Variants in RPN1 observed in about 807,000 individuals in gnomAD.
RPN1 encodes ribophorin I, also known as dolichyl-diphosphooligosaccharide--protein glycosyltransferase subunit 1.
Under a neutral mutation model 55.5 loss-of-function variants are expected in RPN1, and 12 were observed. That is an observed-to-expected ratio of 0.22 (90% confidence interval 0.14 to 0.35). The LOEUF (loss-of-function observed/expected upper bound fraction) is 0.35. Ranked by LOEUF, RPN1 falls within the 10% of genes least tolerant of loss-of-function variation. RPN1 has a pLI of 1.00. For missense variants in RPN1, 679 were observed against 761.3 expected (o/e 0.89, Z 1.27); for synonymous variants, 317 against 305.9 (o/e 1.04, Z -0.38).
Position 128,644,987 on chromosome 3 carries a change from C to T in RPN1, c.262-4G>A, listed in dbSNP as rs758525631. 1.3e-6 allele frequency: 2 copies of T among 1,537,284 alleles called. No homozygotes were observed. The highest frequency in any genetic ancestry group is 1.8e-6 in the Non-Finnish European group (2 of 1,110,938). ...CTTCCTCATCTTCTCCCTTTACCTA[C>T]AACAGAAAAAGATAGTTTATTATTC... is the stretch of plus-strand genomic sequence containing the variant. On this transcript the variant is annotated splice_polypyrimidine_tract_variant and splice_region_variant and intron_variant, in intron 1 of 9. Transcript: ENST00000296255.
intron 1 of RPN1, 72 bp from the exon 2 acceptor site, chr3:128,645,055 T>G: frequency 1.1e-6 from 1 of 877,132 alleles, no homozygotes; most frequent in East Asian, 2.4e-5. Context: ...ATTAACCAAG[T>G]GCTTTAGAAC....
intron 1 of RPN1, among the ~76,000 whole-genome samples, chr3:128,650,250 T>C (rs2069806321): frequency 2.0e-5 from 3 of 152,064 alleles, no homozygotes; most frequent in Non-Finnish European, 4.4e-5. Flanking sequence ...CGGCCGCGGA[T>C]CCCAGCAGCT....
At chr3:128,629,327 G>A (rs370441787) in intron 5 of RPN1, among the ~76,000 whole-genome samples, 8 of 152,202 alleles carry the variant, frequency 5.3e-5, no homozygotes, top group South Asian at 4.2e-4. Flanking sequence ...TTGGGAGGCC[G>A]AGGCCTGTGG....
intron 1 of RPN1, among the ~76,000 whole-genome samples, chr3:128,649,186 T>A (rs1344711214): frequency 6.6e-6 from 1 of 152,176 alleles, no homozygotes; most frequent in African/African-American, 2.4e-5. Flanking sequence ...AATATACTAA[T>A]AATAGGCAGT....
At chr3:128,648,239 A>G (rs2069784329) in intron 1 of RPN1, among the ~76,000 whole-genome samples, 1 of 152,148 alleles carries the variant, frequency 6.6e-6, no homozygotes, top group Admixed American at 6.6e-5. Flanking sequence ...CAAAAAAAAT[A>G]CAACAATTAG....
chr3:128,620,273 C>T lies in RPN1; in HGVS notation c.*138G>A. The T allele has an allele frequency of 1.8e-6, 1 of 567,772 alleles. No individual in the cohort carries two copies. The highest frequency in any genetic ancestry group is 4.2e-5 in the South Asian group (1 of 23,626). 35.2% of individuals were successfully genotyped at this position (567,772 alleles called of 1,614,324 possible). Reference sequence around the variant, plus strand: ...CAAACTCACACTGCCTGACGCAGGGCCTGGTTTCTCTTCCTTGAAGGCCTT... The same window carrying T: ...CAAACTCACACTGCCTGACGCAGGGTCTGGTTTCTCTTCCTTGAAGGCCTT... On this transcript the variant is annotated 3_prime_UTR_variant, in exon 10 of 10. Transcript: ENST00000296255.
chr3:128,626,284 C>T (rs1017991244), intron 6 of RPN1, among the ~76,000 whole-genome samples: 1 of 152,222 alleles, frequency 6.6e-6, no homozygotes, highest in East Asian at 1.9e-4. Context: ...ACTGGCCCCA[C>T]TCCTTGGAGT....
At chr3:128,644,003 G>C (rs2069748018) in intron 2 of RPN1, among the ~76,000 whole-genome samples, 1 of 152,122 alleles carries the variant, frequency 6.6e-6, no homozygotes, top group Non-Finnish European at 1.5e-5. Flanking sequence ...AAACAACTAT[G>C]CAAGTTTAAC....
In RPN1 at chr3:128,640,150, T is replaced by C. The variant is rs190091865; in HGVS notation, c.327-2045A>G. On this transcript the variant is annotated intron_variant, in intron 2 of 9. Coordinates refer to ENST00000296255, the MANE Select transcript of RPN1 (RefSeq NM_002950.4). ...TTGTGCCACTGCACTCCAGCCTGGG[T>C]GACGGAGCGAGAATCCATCTCAAAA... Among the ~76,000 whole-genome samples the C allele has an allele frequency of 3.9e-5, 6 of 151,950 alleles. No individual in the cohort carries two copies. The East Asian group carries it at 1.2e-3, about 30-fold the overall frequency.
At chr3:128,644,512 T>C (rs575849867) in intron 2 of RPN1, 47 of 384,294 alleles carry the variant, frequency 1.2e-4, no homozygotes, top group South Asian at 8.5e-4. Context: ...ACACACATAT[T>C]AGCCAAGTGT....
chr3:128,621,302 G>A (rs1293882146), intron 9 of RPN1, among the ~76,000 whole-genome samples: 1 of 152,190 alleles, frequency 6.6e-6, no homozygotes, highest in Non-Finnish European at 1.5e-5. Context: ...CTTGGGCTCA[G>A]GAGTTCAAGA....
chr3:128,645,512 T>C (rs1354295561), intron 1 of RPN1, among the ~76,000 whole-genome samples: 2 of 151,212 alleles, frequency 1.3e-5, no homozygotes, highest in Non-Finnish European at 2.9e-5. Flanking sequence ...ATGCGTAACA[T>C]TTTCCTGAAT....
Position 128,625,835 on chromosome 3 carries a change from G to C in RPN1, c.1275+39C>G, listed in dbSNP as rs201990092. 4.9e-5 allele frequency: 78 copies of C among 1,590,978 alleles called. No individual in the cohort carries two copies. The East Asian group carries it at 1.1e-3, about 22-fold the overall frequency. On this transcript the variant is annotated intron_variant, in intron 7 of 9. Coordinates refer to ENST00000296255, the MANE Select transcript of RPN1 (RefSeq NM_002950.4). ...CTTGGCCCCCAGAGCCCACTGTCTG[G>C]GGAAGACGCCATGGAAGGCAAACAG...
At chr3:128,646,212 G>GTTTTTATTTT in intron 1 of RPN1, among the ~76,000 whole-genome samples, 1 of 120,152 alleles carries the variant, frequency 8.3e-6, no homozygotes, top group East Asian at 2.6e-4. Context: ...GACAGAGTGA[G>GTTTTTATTTT]ACTCCGTCTC....
chr3:128,648,691 G>A (rs1306849505), intron 1 of RPN1, among the ~76,000 whole-genome samples: 1 of 152,168 alleles, frequency 6.6e-6, no homozygotes, highest in Non-Finnish European at 1.5e-5. Context: ...ACTGGGATAG[G>A]AGTACAAAAT....
Position 128,631,932 on chromosome 3 carries a change from G to C in RPN1, c.843+16C>G. 1 of 1,612,926 alleles carries C rather than the reference G, an allele frequency of 6.2e-7. No individual in the cohort carries two copies. Among genetic ancestry groups the C allele is most frequent in the Non-Finnish European group, 8.5e-7 (1 of 1,178,936 alleles). On this transcript the variant is annotated intron_variant, in intron 4 of 9. Coordinates refer to ENST00000296255, the MANE Select transcript of RPN1 (RefSeq NM_002950.4). ...AGTCCTCATTTCTCACAATGTCCAA[G>C]TTGAACATTCCATACCTTAAAAGAA...
chr3:128,623,136 G>A (rs1026965263), intron 8 of RPN1, among the ~76,000 whole-genome samples: 2 of 152,110 alleles, frequency 1.3e-5, no homozygotes, highest in Non-Finnish European at 1.5e-5. Context: ...CAGGAATGGT[G>A]GGTCACACCT....
rs2069609110 is a variant in RPN1, at chr3:128,627,672, G to A, written c.1037-840C>T. Among the ~76,000 whole-genome samples, 7 of 150,624 alleles carry A rather than the reference G, an allele frequency of 4.6e-5. No homozygotes were observed. In the Admixed American group the frequency reaches 4.7e-4, roughly 10 times the overall value. ...TGTAATCCCAGCAACTTGGGAAGCT[G>A]AGGTAAGAAAATCACTGGAACCCAG... On this transcript the variant is annotated intron_variant, in intron 5 of 9. Coordinates refer to ENST00000296255, the MANE Select transcript of RPN1 (RefSeq NM_002950.4).
chr3:128,635,662 T>TATATATAGATAGATAG (rs1559755887), intron 3 of RPN1, among the ~76,000 whole-genome samples: 2 of 110,186 alleles, frequency 1.8e-5, no homozygotes, highest in African/African-American at 6.5e-5. Flanking sequence ...TATATATATA[T>TATATATAGATAGATAG]ATAGATATCT....
Sources: allele counts gnomAD v4.1 joint callset (sites outside exome capture counted in the v4.1 genomes callset), GRCh38; gene constraint gnomAD v4.1.1; transcripts MANE v1.5; gene names NCBI Gene and HGNC (gene_info 2026-07-23, HGNC 2026-07-21).